The following PLEKHA7 variants were observed in gnomAD, a reference collection of about 807,000 sequenced individuals.
PLEKHA7 encodes the protein pleckstrin homology domain-containing family A member 7.
A neutral mutation model predicts 170.0 loss-of-function variants in PLEKHA7; 104 were observed. That is an observed-to-expected ratio of 0.61 (90% CI 0.52 to 0.72). The LOEUF is 0.72. Ranked by LOEUF, PLEKHA7 falls within the 30% of genes least tolerant of loss-of-function variation. The pLI, the probability that PLEKHA7 is intolerant of heterozygous loss-of-function variation, is 0.00. For missense variants in PLEKHA7, 1,615 were observed against 1,671.7 expected (o/e 0.97, Z 0.59); for synonymous variants, 648 against 660.8 (o/e 0.98, Z 0.30).
intron 3 of PLEKHA7, among the ~76,000 whole-genome samples, chr11:16,982,701 C>A (rs1166833640): frequency 1.3e-5 from 2 of 151,776 alleles, no homozygotes; most frequent in Non-Finnish European, 2.9e-5. Flanking sequence ...ACGACCTGAC[C>A]CAGGCACAGG....
intron 11 of PLEKHA7, 125 bp downstream of exon 11, chr11:16,816,675 A>G: frequency 8.3e-7 from 1 of 1,202,554 alleles, no homozygotes; most frequent in East Asian, 2.4e-5. Flanking sequence ...CTATTATTAA[A>G]ATGTACTGCC....
At chr11:16,947,007 C>T (rs1861071690) in intron 3 of PLEKHA7, among the ~76,000 whole-genome samples, 1 of 152,214 alleles carries the variant, frequency 6.6e-6, no homozygotes, top group Non-Finnish European at 1.5e-5. Context: ...CAAAACGCAG[C>T]TGCGCCAGCA....
chr11:16,789,972 G>A lies in PLEKHA7; in HGVS notation c.3053-94C>T. 2 of 1,124,358 alleles carry A rather than the reference G, an allele frequency of 1.8e-6. No homozygotes were observed. The highest frequency in any genetic ancestry group is 2.7e-6 in the Non-Finnish European group (2 of 753,658). The allele number at this position is 1,124,358 out of a possible 1,614,324, so 69.6% of individuals were successfully genotyped here. ...ACACATTCTTGCAGGAGTACCAAGA[G>A]CACCCAGTCAATGACCCACCCTTAT... is the stretch of plus-strand genomic sequence containing the variant. On this transcript the variant is annotated intron_variant, in intron 21 of 26. Transcript: ENST00000531066. The surrounding 1 kb of genome is among the most constrained non-coding windows in gnomAD (Gnocchi z 4.6).
intron 10 of PLEKHA7, among the ~76,000 whole-genome samples, chr11:16,823,347 C>T (rs754240902): frequency 6.6e-5 from 10 of 152,228 alleles, no homozygotes; most frequent in Middle Eastern, 3.4e-3. Context: ...CTTGACCTCA[C>T]CCCAGATCAA....
rs776756099 is a variant in PLEKHA7, at chr11:16,938,347, G to A, written c.222-67165C>T. 9.2e-5 allele frequency among the ~76,000 whole-genome samples: 14 copies of A among 152,024 alleles called. No individual in the cohort carries two copies. In the East Asian group the frequency reaches 1.4e-3, roughly 15 times the overall value. ...TTTGATTTGTGTGATCTAGAATGATGGTGCTTTTTCCCATAGCCCCTTTAT... is the reference window on the plus strand; with the variant it reads ...TTTGATTTGTGTGATCTAGAATGATAGTGCTTTTTCCCATAGCCCCTTTAT... On this transcript the variant is annotated intron_variant, in intron 3 of 26. Coordinates refer to ENST00000531066, the MANE Select transcript of PLEKHA7 (RefSeq NM_001329630.2).
Position 16,794,900 on chromosome 11 carries a change from A to T in PLEKHA7, c.2518+10T>A. ...CAGATCCCCCACATCCAGGAAGATG[A>T]ACATCTCACCCGGATTTTTTACTGA... is the stretch of plus-strand genomic sequence containing the variant. On this transcript the variant is annotated intron_variant, in intron 18 of 26. Transcript: ENST00000531066. The T allele has an allele frequency of 4.7e-6, 7 of 1,503,924 alleles. No individual in the cohort carries two copies. Among genetic ancestry groups the T allele is most frequent in the African/African-American group, 1.4e-5 (1 of 71,594 alleles). 93.2% of individuals were successfully genotyped at this position (1,503,924 alleles called of 1,614,324 possible).
At position 16,985,959 on chromosome 11, in the gene PLEKHA7, C is replaced by T. The variant is rs562079053; in HGVS notation, c.221+28030G>A. On this transcript the variant is annotated intron_variant, in intron 3 of 26. Transcript: ENST00000531066. Reference sequence around the variant, plus strand: ...AGCACAAATGGAGGGATATCACAAACCCTTGATGGCGGGTGGCCACAGATG... The same window carrying T: ...AGCACAAATGGAGGGATATCACAAATCCTTGATGGCGGGTGGCCACAGATG... Among the ~76,000 whole-genome samples, 6 of 152,336 alleles carry T rather than the reference C, an allele frequency of 3.9e-5. No homozygotes were observed. In the South Asian group the frequency reaches 6.2e-4, roughly 16 times the overall value.
intron 3 of PLEKHA7, among the ~76,000 whole-genome samples, chr11:16,959,010 G>A (rs1861878933): frequency 6.6e-6 from 1 of 152,182 alleles, no homozygotes; most frequent in Non-Finnish European, 1.5e-5. Flanking sequence ...TTGCTGGCTG[G>A]CCACCTGCCA....
At chr11:17,005,681 C>G (rs1485384177) in intron 3 of PLEKHA7, among the ~76,000 whole-genome samples, 2 of 152,188 alleles carry the variant, frequency 1.3e-5, no homozygotes, top group Non-Finnish European at 2.9e-5. Flanking sequence ...GGGTAAAGAG[C>G]CTTAAAAAGC....
intron 10 of PLEKHA7, among the ~76,000 whole-genome samples, chr11:16,819,967 A>C (rs916663798): frequency 6.6e-6 from 1 of 152,250 alleles, no homozygotes; most frequent in African/African-American, 2.4e-5. Flanking sequence ...AAAAAGGATA[A>C]GCAGGTAAGG....
intron 9 of PLEKHA7, among the ~76,000 whole-genome samples, chr11:16,838,514 TAAAAAAAAAA>T (rs56823340): frequency 5.2e-4 from 67 of 128,502 alleles, no homozygotes; most frequent in African/African-American, 1.9e-3. Context: ...CTCTGTGTCT[TAAAAAAAAAA>T]AAAAAAAGTG....
At chr11:16,795,313 ATACT>A in intron 17 of PLEKHA7, 1 of 363,842 alleles carries the variant, frequency 2.7e-6, no homozygotes, top group Non-Finnish European at 5.1e-6. Context: ...ACTGTATGAC[ATACT>A]TAGAGTAGTC....
intron 3 of PLEKHA7, among the ~76,000 whole-genome samples, chr11:16,925,787 A>AGAG (rs1859481472): frequency 6.6e-6 from 1 of 152,222 alleles, no homozygotes; most frequent in Admixed American, 6.5e-5. Context: ...GCAGCGCCAG[A>AGAG]CAGCGGACCC....
At chr11:16,852,445 T>A (rs1007905277) in intron 6 of PLEKHA7, 90 bp from the exon 7 acceptor site, 3 of 1,041,268 alleles carry the variant, frequency 2.9e-6, no homozygotes, top group Admixed American at 4.0e-5. Flanking sequence ...GAACCAAATA[T>A]TTGCCCATAT....
intron 3 of PLEKHA7, among the ~76,000 whole-genome samples, chr11:17,007,985 A>G (rs1323890310): frequency 6.6e-6 from 1 of 152,166 alleles, no homozygotes; most frequent in Non-Finnish European, 1.5e-5. Context: ...CTTTTTCAAT[A>G]AGGAGCCTTG....
At chr11:16,855,962 TAGGAAGTGC>T (rs1853415649) in intron 4 of PLEKHA7, 48 bp from the exon 5 acceptor site, 2 of 1,453,042 alleles carry the variant, frequency 1.4e-6, no homozygotes. Context: ...AGCTATAGAG[TAGGAAGTGC>T]AGTAAGATCA....
At chr11:16,939,955 G>C (rs962736348) in intron 3 of PLEKHA7, among the ~76,000 whole-genome samples, 3 of 152,186 alleles carry the variant, frequency 2.0e-5, no homozygotes, top group African/African-American at 7.2e-5. Flanking sequence ...ATGAGACCCA[G>C]ACATCACCAT....
chr11:16,855,040 C>A (rs1269332791), intron 5 of PLEKHA7, 47 bp from the exon 6 acceptor site: 3 of 1,515,082 alleles, frequency 2.0e-6, no homozygotes, highest in Admixed American at 1.7e-5. Context: ...TTTAAGGTGA[C>A]ACAAAAAAGC....
At chr11:16,799,381 C>A (rs1307842563) in intron 17 of PLEKHA7, among the ~76,000 whole-genome samples, 1 of 152,146 alleles carries the variant, frequency 6.6e-6, no homozygotes, top group Admixed American at 6.5e-5. Context: ...ATAGATAGCA[C>A]TGATGACACA....
Sources: gnomAD v4.1 joint callset for allele counts (sites outside exome capture counted in the v4.1 genomes callset) on GRCh38, gnomAD v4.1.1 for gene constraint, Gnocchi (gnomAD v3.1) non-coding constraint, MANE v1.5 for transcripts, NCBI Gene and HGNC (gene_info 2026-07-23, HGNC 2026-07-21) for gene names.